CNTNAP2: variants seen among roughly 807,000 people sequenced by gnomAD.
The protein encoded by CNTNAP2 is contactin associated protein 2, also known as contactin-associated protein-like 2.
A neutral mutation model predicts 155.2 loss-of-function variants in CNTNAP2; 98 were observed. The ratio of observed to expected loss-of-function variants is 0.63; its 90% CI spans 0.54 to 0.75. CNTNAP2 has a LOEUF of 0.75. Among genes scored for constraint, CNTNAP2 ranks in the 30% least tolerant of loss-of-function variants. CNTNAP2 has a pLI of 0.00. For synonymous variants in CNTNAP2, 651 were observed against 631.2 expected (o/e 1.03, Z -0.47); for missense variants, 1,727 against 1,688.1 (o/e 1.02, Z -0.40).
At position 146,773,469 on chromosome 7, in the gene CNTNAP2, C is replaced by T. The variant is rs148118780; in HGVS notation, c.98-802C>T. Among the ~76,000 whole-genome samples, 1,177 of 152,314 alleles carry T rather than the reference C, an allele frequency of 7.7e-3. 18 individuals are homozygous for T. Among genetic ancestry groups the T allele is most frequent in the African/African-American group, 0.026 (1,091 of 41,576 alleles). Reference sequence around the variant, plus strand: ...GGAGTGCAGTGGCACGATCTTGGCTCACCGCAACCTCTGCCTGCCAGGTTC... The same window carrying T: ...GGAGTGCAGTGGCACGATCTTGGCTTACCGCAACCTCTGCCTGCCAGGTTC... On this transcript the variant is annotated intron_variant, in intron 1 of 23. Coordinates refer to ENST00000361727, the MANE Select transcript of CNTNAP2 (RefSeq NM_014141.6).
At chr7:147,147,132 T>C in intron 8 of CNTNAP2, among the ~76,000 whole-genome samples, 1 of 152,082 alleles carries the variant, frequency 6.6e-6, no homozygotes, top group East Asian at 1.9e-4. Context: ...TTGGAACTTT[T>C]CACATGGCAG....
intron 15 of CNTNAP2, among the ~76,000 whole-genome samples, chr7:147,983,931 G>A (rs1209775812): frequency 6.6e-6 from 1 of 152,140 alleles, no homozygotes; most frequent in Non-Finnish European, 1.5e-5. Flanking sequence ...GGGCCTGGAA[G>A]GGGAAAGATC....
In CNTNAP2 at chr7:147,409,741, G is replaced by A. The variant is rs374246639; in HGVS notation, c.1670+13961G>A. On this transcript the variant is annotated intron_variant, in intron 10 of 23. Transcript: ENST00000361727. Reference sequence around the variant, plus strand: ...TCCCACTAAAAAGTGGGCAAAGGACGTGAACAGACACTTTTCACAAGAAGA... The same window carrying A: ...TCCCACTAAAAAGTGGGCAAAGGACATGAACAGACACTTTTCACAAGAAGA... Among the ~76,000 whole-genome samples the A allele has an allele frequency of 4.3e-4, 65 of 151,444 alleles. 1 individual carries two copies. The highest frequency in any genetic ancestry group is 1.4e-3 in the African/African-American group (59 of 41,262).
At chr7:147,667,077 G>C (rs1383463269) in intron 13 of CNTNAP2, among the ~76,000 whole-genome samples, 1 of 152,148 alleles carries the variant, frequency 6.6e-6, no homozygotes, top group Admixed American at 6.5e-5. Flanking sequence ...GAAAGAAAAG[G>C]CTGGACCCAA....
At chr7:148,364,310 C>G (rs2116623951) in intron 21 of CNTNAP2, among the ~76,000 whole-genome samples, 1 of 152,360 alleles carries the variant, frequency 6.6e-6, no homozygotes, top group South Asian at 2.1e-4. Context: ...TTATATCTAG[C>G]TCAGGGATTG....
At chr7:147,560,362 T>C (rs1482581493) in intron 11 of CNTNAP2, among the ~76,000 whole-genome samples, 1 of 152,140 alleles carries the variant, frequency 6.6e-6, no homozygotes, top group Admixed American at 6.5e-5. Flanking sequence ...CTGTATAAGT[T>C]GATATAAAAC....
chr7:148,366,992 G>A lies in CNTNAP2; in HGVS notation c.3476-16657G>A, dbSNP rs539737602. On this transcript the variant is annotated intron_variant, in intron 21 of 23. Coordinates refer to ENST00000361727, the MANE Select transcript of CNTNAP2 (RefSeq NM_014141.6). ...TCACGCCTGTAGTCCCAACACTTTGGGAGGCCCAGGAAGGCGGATCACGAG... is the reference window on the plus strand; with the variant it reads ...TCACGCCTGTAGTCCCAACACTTTGAGAGGCCCAGGAAGGCGGATCACGAG... Among the ~76,000 whole-genome samples the A allele has an allele frequency of 2.5e-3, 376 of 152,310 alleles. 2 individuals are homozygous for A. The highest frequency in any genetic ancestry group is 8.1e-3 in the African/African-American group (338 of 41,580).
chr7:147,936,555 GT>G (rs1363577159), intron 14 of CNTNAP2, among the ~76,000 whole-genome samples: 2 of 152,076 alleles, frequency 1.3e-5, no homozygotes, highest in Non-Finnish European at 2.9e-5. Context: ...TCTGGAGTTG[GT>G]TTTGCTTCAT....
At chr7:148,006,110 A>G (rs1156817629) in intron 15 of CNTNAP2, among the ~76,000 whole-genome samples, 1 of 152,130 alleles carries the variant, frequency 6.6e-6, no homozygotes, top group Non-Finnish European at 1.5e-5. Flanking sequence ...ACAAATCTCC[A>G]TATATCCATT....
At chr7:146,145,413 C>T (rs1011343594) in intron 1 of CNTNAP2, among the ~76,000 whole-genome samples, 2 of 152,202 alleles carry the variant, frequency 1.3e-5, no homozygotes, top group East Asian at 1.9e-4. Flanking sequence ...AACTGGGGTG[C>T]TATTAGTAAG....
chr7:147,629,945 A>C (rs1288171036), intron 12 of CNTNAP2, among the ~76,000 whole-genome samples: 1 of 152,268 alleles, frequency 6.6e-6, no homozygotes, highest in East Asian at 1.9e-4. Context: ...ACAATATGCA[A>C]ACCCAGCAGA....
intron 1 of CNTNAP2, among the ~76,000 whole-genome samples, chr7:146,675,667 C>T (rs960186584): frequency 1.3e-5 from 2 of 152,108 alleles, no homozygotes; most frequent in African/African-American, 4.8e-5. Flanking sequence ...AGCTCCCACA[C>T]CATAGGAGCT....
chr7:146,913,314 A>G (rs1321182019), intron 3 of CNTNAP2, among the ~76,000 whole-genome samples: 1 of 152,160 alleles, frequency 6.6e-6, no homozygotes, highest in Non-Finnish European at 1.5e-5. Context: ...TTCTTCATTC[A>G]GAGAAGGCAC....
chr7:147,017,288 TATA>T (rs72349987), intron 3 of CNTNAP2, among the ~76,000 whole-genome samples: 15,066 of 152,020 alleles, frequency 0.099, 1,101 homozygotes, highest in East Asian at 0.26. Flanking sequence ...AACTGGAAAG[TATA>T]ATAACTACAG....
chr7:147,361,620 A>G (rs542853782), intron 9 of CNTNAP2, among the ~76,000 whole-genome samples: 120 of 152,330 alleles, frequency 7.9e-4, no homozygotes, highest in Non-Finnish European at 1.4e-3. Context: ...ATTGAGTAAG[A>G]TAGTCTTATT....
intron 1 of CNTNAP2, among the ~76,000 whole-genome samples, chr7:146,440,703 CTTAGTACTGT>C (rs1796308548): frequency 6.6e-6 from 1 of 151,544 alleles, no homozygotes; most frequent in Admixed American, 6.6e-5. Flanking sequence ...TGAGAGGTTA[CTTAGTACTGT>C]TTGGTATTTT....
intron 1 of CNTNAP2, among the ~76,000 whole-genome samples, chr7:146,481,637 A>C (rs1028241370): frequency 2.0e-5 from 3 of 152,212 alleles, no homozygotes; most frequent in African/African-American, 7.2e-5. Flanking sequence ...AGGCTTGTAG[A>C]AATATATACG....
intron 1 of CNTNAP2, among the ~76,000 whole-genome samples, chr7:146,721,421 A>T (rs1213517808): frequency 7.8e-6 from 1 of 128,312 alleles, no homozygotes; most frequent in Non-Finnish European, 1.5e-5. Context: ...TTCTATATAT[A>T]CATTCTATAT....
intron 12 of CNTNAP2, among the ~76,000 whole-genome samples, chr7:147,572,001 C>A (rs1407421606): frequency 6.6e-6 from 1 of 152,228 alleles, no homozygotes; most frequent in Admixed American, 6.5e-5. Context: ...AATCACTCAG[C>A]AAGTCCTGCT....
Sources: gnomAD v4.1 joint callset for allele counts (sites outside exome capture counted in the v4.1 genomes callset) on GRCh38, gnomAD v4.1.1 for gene constraint, MANE v1.5 for transcripts, NCBI Gene and HGNC (gene_info 2026-07-23, HGNC 2026-07-21) for gene names.